Variants in CACNB2 observed in about 807,000 individuals in gnomAD.
The protein encoded by CACNB2 is voltage-dependent L-type calcium channel subunit beta-2.
A neutral mutation model predicts 73.3 loss-of-function variants in CACNB2; 42 were observed. That is an observed-to-expected ratio of 0.57 (90% CI 0.45 to 0.74). The LOEUF is 0.74. Among genes scored for constraint, CACNB2 ranks in the 30% least tolerant of loss-of-function variants. The probability of loss-of-function intolerance (pLI) is 0.00; values close to 1 mark genes in which losing one functional copy is unlikely to be tolerated. For missense variants in CACNB2, 940 were observed against 853.0 expected (o/e 1.10, Z -1.27); for synonymous variants, 348 against 310.3 (o/e 1.12, Z -1.28).
intron 2 of CACNB2, among the ~76,000 whole-genome samples, chr10:18,368,896 T>TA (rs915135223): frequency 1.1e-4 from 16 of 151,070 alleles, no homozygotes; most frequent in African/African-American, 1.7e-4. Flanking sequence ...TCACTCTATT[T>TA]AAAAAAAAAG....
intron 3 of CACNB2, among the ~76,000 whole-genome samples, chr10:18,479,699 C>T (rs1287148298): frequency 2.5e-5 from 1 of 39,996 alleles, no homozygotes; most frequent in African/African-American, 7.9e-5. Context: ...CTCTCTCTCT[C>T]GCTCGCTCGC....
At chr10:18,511,304 G>A (rs1040663972) in intron 6 of CACNB2, among the ~76,000 whole-genome samples, 11 of 152,094 alleles carry the variant, frequency 7.2e-5, no homozygotes, top group African/African-American at 2.2e-4. Flanking sequence ...ACAAACAATG[G>A]CAGGTATTCA....
intron 2 of CACNB2, among the ~76,000 whole-genome samples, chr10:18,223,825 T>C (rs1314716003): frequency 6.6e-6 from 1 of 152,178 alleles, no homozygotes; most frequent in Non-Finnish European, 1.5e-5. Context: ...AGAAATTTTA[T>C]TTTTAAATTT....
At position 18,391,805 on chromosome 10, in the gene CACNB2, A is replaced by G. The variant is rs553665693; in HGVS notation, c.214-10119A>G. Reference sequence around the variant, plus strand: ...TAGTTGGGCATGGTGGTGCGCACCTATAGTCCCAGCTACTCAGGAGGCTGA... The same window carrying G: ...TAGTTGGGCATGGTGGTGCGCACCTGTAGTCCCAGCTACTCAGGAGGCTGA... On this transcript the variant is annotated intron_variant, in intron 2 of 13. Transcript: ENST00000324631. Among the ~76,000 whole-genome samples the G allele has an allele frequency of 7.7e-4, 116 of 151,340 alleles. 1 individual carries two copies. The highest frequency in any genetic ancestry group is 3.5e-3 in the Middle Eastern group (1 of 288).
At chr10:18,391,527 G>C (rs1305301406) in intron 2 of CACNB2, among the ~76,000 whole-genome samples, 1 of 152,072 alleles carries the variant, frequency 6.6e-6, no homozygotes, top group African/African-American at 2.4e-5. Context: ...TTGGGATATA[G>C]GAGTAAGTGA....
chr10:18,468,177 A>C (rs79689754), intron 3 of CACNB2, among the ~76,000 whole-genome samples: 201 of 152,264 alleles, frequency 1.3e-3, no homozygotes, highest in African/African-American at 4.7e-3. Flanking sequence ...TTAAATATAC[A>C]GGCCAGGTGT....
chr10:18,310,848 G>T (rs1010032964), intron 2 of CACNB2, among the ~76,000 whole-genome samples: 4 of 151,766 alleles, frequency 2.6e-5, no homozygotes, highest in Non-Finnish European at 4.4e-5. Flanking sequence ...CTCCCAAAGT[G>T]CTGGTATTAC....
At chr10:18,449,070 C>A (rs2046881885) in intron 3 of CACNB2, among the ~76,000 whole-genome samples, 1 of 152,072 alleles carries the variant, frequency 6.6e-6, no homozygotes, top group Non-Finnish European at 1.5e-5. Flanking sequence ...CAGCAGAGCC[C>A]CTACCAAATT....
intron 3 of CACNB2, among the ~76,000 whole-genome samples, chr10:18,417,628 G>A (rs534182741): frequency 2.0e-5 from 3 of 151,988 alleles, no homozygotes; most frequent in East Asian, 3.9e-4. Flanking sequence ...TTGGCCTCCC[G>A]AAGTGGAGAT....
At position 18,207,958 on chromosome 10, in the gene CACNB2, A is replaced by C. The variant is rs147647494; in HGVS notation, c.213+56983A>C. On this transcript the variant is annotated intron_variant, in intron 2 of 13. Transcript: ENST00000324631. ...GTTTTGATGTAGAATTCTGCATAGT[A>C]GAAGTTGACATATGTATGCTTTGTA... 1.7e-3 allele frequency among the ~76,000 whole-genome samples: 256 copies of C among 152,384 alleles called. 1 individual carries two copies. Among genetic ancestry groups the C allele is most frequent in the African/African-American group, 5.5e-3 (227 of 41,596 alleles).
chr10:18,366,338 A>G (rs967024467), intron 2 of CACNB2, among the ~76,000 whole-genome samples: 5 of 151,658 alleles, frequency 3.3e-5, no homozygotes, highest in African/African-American at 1.2e-4. Context: ...GGTGGCGGGC[A>G]CCTGTAATCC....
chr10:18,269,084 C>T (rs561505765), intron 2 of CACNB2, among the ~76,000 whole-genome samples: 1 of 152,110 alleles, frequency 6.6e-6, no homozygotes, highest in Non-Finnish European at 1.5e-5. Flanking sequence ...ACCTGTTTCA[C>T]GAAGGGTGAT....
chr10:18,496,507 A>T (rs1321322534), intron 3 of CACNB2, among the ~76,000 whole-genome samples: 1 of 152,162 alleles, frequency 6.6e-6, no homozygotes, highest in Admixed American at 6.5e-5. Flanking sequence ...AGAGGTCGAA[A>T]TAATTTTTTT....
intron 12 of CACNB2, among the ~76,000 whole-genome samples, 159 bp downstream of exon 12, chr10:18,536,355 C>A (rs1181876066): frequency 6.9e-6 from 1 of 143,988 alleles, no homozygotes; most frequent in East Asian, 2.1e-4. Context: ...AACTCCCGGG[C>A]TCAAGTGATC....
chr10:18,508,797 A>C (rs934629297), intron 6 of CACNB2, among the ~76,000 whole-genome samples: 2 of 152,242 alleles, frequency 1.3e-5, no homozygotes, highest in Non-Finnish European at 2.9e-5. Flanking sequence ...ACTTATGATA[A>C]GGTTATGTCC....
At chr10:18,303,678 A>T (rs2039618148) in intron 2 of CACNB2, among the ~76,000 whole-genome samples, 1 of 152,168 alleles carries the variant, frequency 6.6e-6, no homozygotes, top group African/African-American at 2.4e-5. Context: ...TTTTTCAGTT[A>T]TCCTGGAAAA....
chr10:18,529,101 C>CTA (rs2052748146), intron 10 of CACNB2, among the ~76,000 whole-genome samples: 1 of 152,176 alleles, frequency 6.6e-6, no homozygotes, highest in Non-Finnish European at 1.5e-5. Flanking sequence ...AGTGCCAGGA[C>CTA]TATAGGTATG....
chr10:18,332,381 T>C (rs529463427), intron 2 of CACNB2, among the ~76,000 whole-genome samples: 7 of 152,064 alleles, frequency 4.6e-5, no homozygotes, highest in Non-Finnish European at 1.0e-4. Context: ...CTGTTTGCTG[T>C]AGTATGAGGA....
intron 3 of CACNB2, among the ~76,000 whole-genome samples, chr10:18,476,543 C>T (rs192317544): frequency 5.7e-4 from 87 of 152,236 alleles, no homozygotes; most frequent in African/African-American, 2.0e-3. Context: ...TAGGAGGAGA[C>T]TAATCAGAGG....
Sources: allele counts gnomAD v4.1 joint callset (sites outside exome capture counted in the v4.1 genomes callset), GRCh38; gene constraint gnomAD v4.1.1; transcripts MANE v1.5; gene names NCBI Gene and HGNC (gene_info 2026-07-23, HGNC 2026-07-21).